VWDE: variants seen among roughly 807,000 people sequenced by gnomAD.
VWDE encodes the protein von Willebrand factor D and EGF domain-containing protein.
A neutral mutation model predicts 178.4 loss-of-function variants in VWDE; 207 were observed. The observed-to-expected ratio is 1.16, with a 90% CI of 1.04 to 1.30. The LOEUF (loss-of-function observed/expected upper bound fraction) is 1.30, where lower values mean the gene tolerates loss of function less well. Among genes scored for constraint, VWDE ranks in the 50% most tolerant of loss-of-function variants. The probability of loss-of-function intolerance (pLI) is 0.00; values close to 1 mark genes in which losing one functional copy is unlikely to be tolerated. For synonymous variants in VWDE, 738 were observed against 651.4 expected (o/e 1.13, Z -2.02); for missense variants, 2,287 against 1,901.3 (o/e 1.20, Z -3.77).
chr7:12,393,218 C>T (rs1354635013), intron 2 of VWDE, among the ~76,000 whole-genome samples: 1 of 152,172 alleles, frequency 6.6e-6, no homozygotes, highest in Non-Finnish European at 1.5e-5. Flanking sequence ...CAGCTAAGCA[C>T]CTGAGCCCTG....
chr7:12,380,232 A>AAT (rs1583332622), intron 5 of VWDE, among the ~76,000 whole-genome samples: 1 of 151,288 alleles, frequency 6.6e-6, no homozygotes, highest in Admixed American at 6.6e-5. Context: ...AAGTATAATA[A>AAT]ATATATATAT....
chr7:12,351,504 T>C (rs961779345), intron 19 of VWDE, 69 bp downstream of exon 19: 75 of 1,437,410 alleles, frequency 5.2e-5, no homozygotes, highest in Admixed American at 7.9e-5. Context: ...GGAATAAATA[T>C]GTTGGTCTTC....
At chr7:12,379,295 A>T (rs745665009) in intron 6 of VWDE, among the ~76,000 whole-genome samples, 182 bp downstream of exon 6, 33 of 152,138 alleles carry the variant, frequency 2.2e-4, no homozygotes, top group Admixed American at 1.3e-4. Flanking sequence ...AGTTAACAAG[A>T]CCCCTCAAAC....
chr7:12,341,874 G>A (rs76788107), intron 23 of VWDE, among the ~76,000 whole-genome samples, 185 bp downstream of exon 23: 227 of 152,188 alleles, frequency 1.5e-3, no homozygotes, highest in African/African-American at 5.2e-3. Flanking sequence ...GACACCATAC[G>A]GTTCAACATA....
intron 27 of VWDE, among the ~76,000 whole-genome samples, chr7:12,335,361 T>C (rs1406412380): frequency 3.3e-5 from 5 of 152,368 alleles, no homozygotes; most frequent in African/African-American, 4.8e-5. Context: ...TGTAGAAATT[T>C]ATAACTAATA....
chr7:12,375,520 A>G (rs1345713023), intron 7 of VWDE, among the ~76,000 whole-genome samples: 3 of 151,868 alleles, frequency 2.0e-5, no homozygotes, highest in Non-Finnish European at 4.4e-5. Context: ...CAAAAAGAAT[A>G]GATAAAATTT....
chr7:12,336,185 A>T lies in VWDE; in HGVS notation c.4610T>A (p.Ile1537Lys), dbSNP rs1430214633. The T allele has an allele frequency of 6.4e-7, 1 of 1,551,524 alleles. No homozygotes were observed. Among genetic ancestry groups the T allele is most frequent in the Admixed American group, 2.0e-5 (1 of 50,966 alleles). The stretch of plus-strand genomic sequence containing the variant: ...TTCCCAGGAGGAAGGACAATGGCAT[A>T]TGCTGGGCGCAATGCATTCACCACC... ...KNGGECIAPS[I>K]CHCPSSWEGV... Residue 1537 changes from isoleucine (I) to lysine (K), a missense_variant, in exon 27 of 29, where the codon ATA (isoleucine) becomes AAA (lysine). Physicochemically the swap from Ile to Lys is moderately radical, Grantham distance 102. Transcript: ENST00000275358.
chr7:12,384,262 CT>C (rs1254193118), intron 3 of VWDE, among the ~76,000 whole-genome samples: 3 of 152,036 alleles, frequency 2.0e-5, no homozygotes, highest in Admixed American at 1.3e-4. Flanking sequence ...AGGCTACCTA[CT>C]AAGTGATTCC....
At chr7:12,386,869 C>T (rs1784122475) in intron 3 of VWDE, among the ~76,000 whole-genome samples, 1 of 152,148 alleles carries the variant, frequency 6.6e-6, no homozygotes, top group South Asian at 2.1e-4. Context: ...CCCCTCTGTA[C>T]TAAGGAGATG....
At chr7:12,389,411 G>A in intron 2 of VWDE, 53 bp from the exon 3 acceptor site, 1 of 1,279,790 alleles carries the variant, frequency 7.8e-7, no homozygotes, top group South Asian at 1.4e-5. Context: ...TTCATCCATT[G>A]TAGATATATC....
Position 12,331,197 on chromosome 7 carries a change from T to C in VWDE, c.4759A>G (p.Ile1587Val). ...SGVKCEKKIQ[I>V]RRH ...CTTGATGCTACTCAATGGCGTCTTA[T>C]CTGTAGTAGGAAGAAGGAAATTGTG... The change falls in exon 29 of 29, where the codon ATA becomes GTA. Residue 1587 changes from isoleucine to valine, a missense_variant and splice_region_variant. Coordinates refer to ENST00000275358, the MANE Select transcript of VWDE (RefSeq NM_001135924.3). 3.2e-6 allele frequency: 5 copies of C among 1,541,320 alleles called. No individual in the cohort carries two copies. Among genetic ancestry groups the C allele is most frequent in the Non-Finnish European group, 4.4e-6 (5 of 1,139,466 alleles).
intron 3 of VWDE, 154 bp downstream of exon 3, chr7:12,388,973 C>G: frequency 1.3e-6 from 1 of 742,946 alleles, no homozygotes; most frequent in Non-Finnish European, 2.4e-6. Flanking sequence ...GAAATTTGAC[C>G]AATGTAAACA....
intron 2 of VWDE, 108 bp from the exon 3 acceptor site, chr7:12,389,466 A>C: frequency 1.3e-6 from 1 of 788,772 alleles, no homozygotes; most frequent in Admixed American, 2.9e-5. Context: ...ATCATTAATC[A>C]TTAAAAAAAT....
chr7:12,393,472 A>T, intron 2 of VWDE, 122 bp downstream of exon 2: 2 of 803,100 alleles, frequency 2.5e-6, no homozygotes, highest in Non-Finnish European at 3.8e-6. Flanking sequence ...CTTTCAGATT[A>T]ACTCAATACA....
chr7:12,352,307 C>A (rs7804364), intron 18 of VWDE, among the ~76,000 whole-genome samples: 1 of 152,150 alleles, frequency 6.6e-6, no homozygotes, highest in East Asian at 1.9e-4. Flanking sequence ...TTCTTATGTG[C>A]CCCACTAGTT....
intron 27 of VWDE, 97 bp downstream of exon 27, chr7:12,336,044 T>C: frequency 1.9e-6 from 2 of 1,074,374 alleles, no homozygotes; most frequent in Non-Finnish European, 2.6e-6. Flanking sequence ...TGCTGGAGTT[T>C]TTTCCCCCTT....
intron 1 of VWDE, among the ~76,000 whole-genome samples, chr7:12,402,080 A>G (rs747354799): frequency 5.8e-4 from 88 of 152,232 alleles, no homozygotes; most frequent in Non-Finnish European, 1.1e-3. Context: ...TACATAAAAT[A>G]TCCAGAATAG....
At chr7:12,364,181 G>A (rs1371171616) in intron 13 of VWDE, among the ~76,000 whole-genome samples, 1 of 152,014 alleles carries the variant, frequency 6.6e-6, no homozygotes, top group Admixed American at 6.6e-5. Context: ...TCACAGAGAT[G>A]ACAGATAGAT....
At chr7:12,334,498 A>G (rs58477218) in intron 27 of VWDE, among the ~76,000 whole-genome samples, 1 of 152,192 alleles carries the variant, frequency 6.6e-6, no homozygotes, top group African/African-American at 2.4e-5. Context: ...AGGTTGTGAA[A>G]TCCACGAGGG....
Sources: gnomAD v4.1 joint callset for allele counts (sites outside exome capture counted in the v4.1 genomes callset) on GRCh38, gnomAD v4.1.1 for gene constraint, MANE v1.5 for transcripts, NCBI Gene and HGNC (gene_info 2026-07-23, HGNC 2026-07-21) for gene names.